Variants in MYO1E observed in about 807,000 individuals in gnomAD.
MYO1E encodes the protein unconventional myosin-Ie.
A neutral mutation model predicts 151.1 loss-of-function variants in MYO1E; 68 were observed. The observed-to-expected ratio is 0.45, with a 90% CI of 0.37 to 0.55. The LOEUF (loss-of-function observed/expected upper bound fraction) is 0.55. MYO1E is among the 20% of genes least tolerant of loss of function. MYO1E has a pLI of 0.00. For missense variants in MYO1E, 1,363 were observed against 1,389.3 expected (o/e 0.98, Z 0.30); for synonymous variants, 601 against 501.7 (o/e 1.20, Z -2.64).
intron 1 of MYO1E, among the ~76,000 whole-genome samples, chr15:59,315,341 G>A (rs4775149): frequency 0.74 from 112,821 of 151,892 alleles, 42,262 homozygotes; most frequent in African/African-American, 0.78. Flanking sequence ...CCCCATCCAC[G>A]TAAAACATTT....
intron 2 of MYO1E, among the ~76,000 whole-genome samples, chr15:59,262,822 T>A (rs4774323): frequency 2.0e-5 from 3 of 151,958 alleles, no homozygotes; most frequent in African/African-American, 7.3e-5. Context: ...TTTTAATATA[T>A]GAAAATAAAT....
chr15:59,140,657 G>A (rs753572173), intron 26 of MYO1E, among the ~76,000 whole-genome samples: 162 of 152,114 alleles, frequency 1.1e-3, no homozygotes, highest in Non-Finnish European at 2.0e-3. Context: ...GTGCTCTCAG[G>A]AGCCACAGCC....
intron 1 of MYO1E, among the ~76,000 whole-genome samples, chr15:59,340,333 C>G (rs987823165): frequency 1.3e-5 from 2 of 152,072 alleles, no homozygotes; most frequent in East Asian, 3.9e-4. Flanking sequence ...TTTTTTAAAC[C>G]CCGCCTGATC....
intron 1 of MYO1E, among the ~76,000 whole-genome samples, chr15:59,312,411 G>C (rs117092471): frequency 2.6e-5 from 4 of 152,186 alleles, no homozygotes; most frequent in Non-Finnish European, 5.9e-5. Context: ...CCACTGGGAC[G>C]AGGGGGACTT....
rs200025781 is a variant in MYO1E, at chr15:59,158,335, C to T, written c.2830G>A (p.Gly944Arg). 5 of 1,576,974 alleles carry T rather than the reference C, an allele frequency of 3.2e-6. No individual in the cohort carries two copies. In the East Asian group the frequency reaches 9.1e-5, roughly 29 times the overall value. Reference protein sequence around the residue: ...NTTQNTGYSSGTQNANYPVRA... With the variant: ...NTTQNTGYSSRTQNANYPVRA... Reference sequence around the variant, plus strand: ...ACTGGGTAGTTGGCATTTTGAGTCCCACTGGAATAACCTGTATTTTGGGTA... The same window carrying T: ...ACTGGGTAGTTGGCATTTTGAGTCCTACTGGAATAACCTGTATTTTGGGTA... Residue 944 changes from glycine to arginine, a missense_variant, in exon 25 of 28, where the codon GGG becomes AGG. Gly to Arg is a moderately radical substitution (Grantham distance 125, BLOSUM62 -2). Transcript: ENST00000288235.
chr15:59,324,188 A>G (rs1273844579), intron 1 of MYO1E, among the ~76,000 whole-genome samples: 1 of 152,176 alleles, frequency 6.6e-6, no homozygotes, highest in African/African-American at 2.4e-5. Context: ...AATGACATCT[A>G]AACTGTTAGA....
At chr15:59,151,417 A>C (rs1287334878) in intron 26 of MYO1E, among the ~76,000 whole-genome samples, 1 of 152,082 alleles carries the variant, frequency 6.6e-6, no homozygotes, top group Non-Finnish European at 1.5e-5. Flanking sequence ...CAACAGAACA[A>C]GACTCCATCT....
chr15:59,145,273 CAT>C (rs1393897435), intron 26 of MYO1E, among the ~76,000 whole-genome samples: 6 of 152,228 alleles, frequency 3.9e-5, no homozygotes, highest in Non-Finnish European at 8.8e-5. Flanking sequence ...TTACAGGGCA[CAT>C]GAGACCCGCA....
rs1402920145 is a variant in MYO1E at position 59,350,864 on chromosome 15, T to C, written c.3+21634A>G. Among the ~76,000 whole-genome samples the C allele has an allele frequency of 9.8e-6, 1 of 102,312 alleles. No homozygotes were observed. Among genetic ancestry groups the C allele is most frequent in the African/African-American group, 4.8e-5 (1 of 20,952 alleles). The allele number at this position is 102,312 out of a possible 152,430, so 67.1% of individuals were successfully genotyped here. On this transcript the variant is annotated intron_variant, in intron 1 of 27. Coordinates refer to ENST00000288235, the MANE Select transcript of MYO1E (RefSeq NM_004998.4). The surrounding 1 kb of genome is among the most constrained non-coding windows in gnomAD (Gnocchi z 5.0). ...CTTCCAGGAAATGAGTCTTTATTTGTTGTTGTTGTTGTTTGTTTGGTTGGT... is the reference window on the plus strand; with the variant it reads ...CTTCCAGGAAATGAGTCTTTATTTGCTGTTGTTGTTGTTTGTTTGGTTGGT...
chr15:59,222,018 T>C (rs1215111704), intron 9 of MYO1E, among the ~76,000 whole-genome samples: 1 of 152,240 alleles, frequency 6.6e-6, no homozygotes, highest in African/African-American at 2.4e-5. Flanking sequence ...ATTATGATTA[T>C]TAGGTCATGT....
intron 26 of MYO1E, among the ~76,000 whole-genome samples, chr15:59,143,687 G>C (rs2079424292): frequency 6.6e-6 from 1 of 152,206 alleles, no homozygotes; most frequent in Non-Finnish European, 1.5e-5. Flanking sequence ...ACACTCCTGT[G>C]AGATGACTGA....
At chr15:59,226,498 A>G (rs1596374716) in intron 7 of MYO1E, among the ~76,000 whole-genome samples, 2 of 152,356 alleles carry the variant, frequency 1.3e-5, no homozygotes, top group Admixed American at 6.5e-5. Context: ...AGTACTTAAA[A>G]ACCTTTTACA....
At chr15:59,327,087 G>A (rs1218992872) in intron 1 of MYO1E, among the ~76,000 whole-genome samples, 1 of 151,998 alleles carries the variant, frequency 6.6e-6, no homozygotes, top group Admixed American at 6.6e-5. Flanking sequence ...AACTGAAGAG[G>A]TAATGATACC....
At chr15:59,364,857 C>T (rs1165769219) in intron 1 of MYO1E, among the ~76,000 whole-genome samples, 2 of 151,802 alleles carry the variant, frequency 1.3e-5, no homozygotes, top group Non-Finnish European at 2.9e-5. Context: ...TACAGTGAGC[C>T]GAGATTATGC....
At chr15:59,188,093 A>G (rs1484347491) in intron 18 of MYO1E, 25 bp downstream of exon 18, 3 of 1,545,924 alleles carry the variant, frequency 1.9e-6, no homozygotes, top group African/African-American at 1.4e-5. Flanking sequence ...TGTTTTAAAA[A>G]AGGCCAGAGT....
At chr15:59,280,520 G>A (rs1231765089) in intron 1 of MYO1E, among the ~76,000 whole-genome samples, 1 of 151,736 alleles carries the variant, frequency 6.6e-6, no homozygotes, top group Non-Finnish European at 1.5e-5. Context: ...TACTCCAGAG[G>A]CTGAGTCAGG....
rs1289456555 is a variant in MYO1E, at chr15:59,216,684, A to ATATG, written c.1107+1206_1107+1207insCATA. On this transcript the variant is annotated intron_variant, in intron 10 of 27. Coordinates refer to ENST00000288235, the MANE Select transcript of MYO1E (RefSeq NM_004998.4). ...TGTATGTGTATATATATATATATAT[A>ATATG]TACACATACACACACACACACACAC... Among the ~76,000 whole-genome samples the ATATG allele has an allele frequency of 5.8e-4, 4 of 6,892 alleles. No individual in the cohort carries two copies. The Admixed American group carries it at 7.7e-3, about 13-fold the overall frequency. 4.5% of individuals were successfully genotyped at this position (6,892 alleles called of 152,430 possible). A position where few individuals can be genotyped will look rare whatever the true frequency, so the allele number is the denominator to read the frequency against.
intron 1 of MYO1E, among the ~76,000 whole-genome samples, chr15:59,341,048 A>T (rs541346093): frequency 6.6e-6 from 1 of 151,980 alleles, no homozygotes; most frequent in South Asian, 2.1e-4. Context: ...AAAAAAGAAA[A>T]AAAGAAAAAT....
rs1320891376 is a variant in MYO1E at position 59,360,501 on chromosome 15, C to A, written c.3+11997G>T. ...GCATTCCCCTTTCTGTCCAGCAGGC[C>A]ATCGAGCCCAGCATGGTTTGGCATG... On this transcript the variant is annotated intron_variant, in intron 1 of 27. Transcript: ENST00000288235. Among the ~76,000 whole-genome samples, 5 of 152,210 alleles carry A rather than the reference C, an allele frequency of 3.3e-5. No homozygotes were observed. The East Asian group carries it at 9.6e-4, about 29-fold the overall frequency.
Sources: allele counts gnomAD v4.1 joint callset (sites outside exome capture counted in the v4.1 genomes callset), GRCh38; gene constraint gnomAD v4.1.1; non-coding constraint Gnocchi (gnomAD v3.1); transcripts MANE v1.5; gene names NCBI Gene and HGNC (gene_info 2026-07-23, HGNC 2026-07-21).